Variants in UGT1A6 observed in about 807,000 individuals in gnomAD.
UGT1A6 encodes the protein UDP-glucuronosyltransferase 1A6.
UGT1A6 carries 32 observed loss-of-function variants against 44.4 expected under a neutral mutation model. The ratio of observed to expected loss-of-function variants is 0.72; its 90% CI spans 0.54 to 0.97. The LOEUF (loss-of-function observed/expected upper bound fraction) is 0.97. UGT1A6 is among the 50% of genes least tolerant of loss of function. The pLI is 0.00. For missense variants in UGT1A6, 685 were observed against 661.9 expected (o/e 1.03, Z -0.38); for synonymous variants, 238 against 248.5 (o/e 0.96, Z 0.40).
chr2:233,768,654 T>C (rs1699689633), intron 4 of UGT1A6, among the ~76,000 whole-genome samples: 2 of 149,892 alleles, frequency 1.3e-5, no homozygotes, highest in Non-Finnish European at 3.0e-5. Flanking sequence ...TGGTGCAATC[T>C]TGGCTTACTG....
rs1434952658 is a variant in UGT1A6 at position 233,692,896 on chromosome 2, A to G, written c.-109A>G. 1 of 1,536,264 alleles carries G rather than the reference A, an allele frequency of 6.5e-7. No homozygotes were observed. Among genetic ancestry groups the G allele is most frequent in the Non-Finnish European group, 8.7e-7 (1 of 1,148,334 alleles). On this transcript the variant is annotated 5_prime_UTR_variant, in exon 1 of 5. Transcript: ENST00000305139. ...GTAAAATTCAGAGCAAGGGAGAGGTAGACAGGACCTGTGAAAAGCAGTGGT... is the reference window on the plus strand; with the variant it reads ...GTAAAATTCAGAGCAAGGGAGAGGTGGACAGGACCTGTGAAAAGCAGTGGT...
chr2:233,747,970 C>G, intron 1 of UGT1A6: 5 of 1,613,476 alleles, frequency 3.1e-6, no homozygotes, highest in Non-Finnish European at 4.2e-6. Flanking sequence ...AGCCATGCAT[C>G]TGTGTGGCTG....
At chr2:233,725,167 G>A (rs112233788) in intron 1 of UGT1A6, among the ~76,000 whole-genome samples, 4,177 of 75,252 alleles carry the variant, frequency 0.056, 411 homozygotes, top group African/African-American at 0.13. Flanking sequence ...TGCATGAGAG[G>A]GAGACCGTGG....
chr2:233,732,616 A>C (rs1187431518), intron 1 of UGT1A6, among the ~76,000 whole-genome samples: 1 of 152,194 alleles, frequency 6.6e-6, no homozygotes, highest in Non-Finnish European at 1.5e-5. Flanking sequence ...AAATGGTTGT[A>C]GATGTGTGGT....
intron 1 of UGT1A6, among the ~76,000 whole-genome samples, chr2:233,751,378 C>A (rs1694710024): frequency 2.0e-5 from 3 of 152,054 alleles, no homozygotes; most frequent in Non-Finnish European, 2.9e-5. Context: ...AAGGGACTTG[C>A]CTTGTCTCAG....
At chr2:233,749,908 A>G (rs1325539824) in intron 1 of UGT1A6, among the ~76,000 whole-genome samples, 1 of 151,938 alleles carries the variant, frequency 6.6e-6, no homozygotes, top group African/African-American at 2.4e-5. Flanking sequence ...AGCCACCTGG[A>G]ACTGTGAGTC....
intron 1 of UGT1A6, among the ~76,000 whole-genome samples, chr2:233,695,235 C>T (rs1369922009): frequency 1.3e-5 from 2 of 151,340 alleles, no homozygotes; most frequent in African/African-American, 4.9e-5. Context: ...AAGCGATTCT[C>T]CTGCCTCAGC....
chr2:233,772,483 G>A lies in UGT1A6; in HGVS notation c.1523G>A (p.Cys508Tyr), dbSNP rs1700526717. The A allele has an allele frequency of 1.2e-6, 2 of 1,614,146 alleles. No individual in the cohort carries two copies. Among genetic ancestry groups the A allele is most frequent in the Non-Finnish European group, 1.7e-6 (2 of 1,180,048 alleles). Reference protein sequence around the residue: ...VLTVAFITFKCCAYGYRKCLG... With the variant: ...VLTVAFITFKYCAYGYRKCLG... ...ACAGTGGCCTTCATCACCTTTAAAT[G>A]TTGTGCTTATGGCTACCGGAAATGC... The change falls in exon 5 of 5, where the codon TGT becomes TAT. Residue 508 changes from cysteine to tyrosine, a missense_variant. Cys to Tyr is a radical substitution (Grantham distance 194, BLOSUM62 -2). Transcript: ENST00000305139.
In UGT1A6 at chr2:233,723,244, C is replaced by T. The variant is rs1231451860; in HGVS notation, c.861+29379C>T. On this transcript the variant is annotated intron_variant, in intron 1 of 4. Transcript: ENST00000305139. ...TTTTTTTTTTTGAGTTGGAGTCCTG[C>T]TGTCACCCAGGCTGGAGTGCAATGG... Among the ~76,000 whole-genome samples the T allele has an allele frequency of 1.8e-5, 2 of 112,620 alleles. 1 individual carries two copies. Among genetic ancestry groups the T allele is most frequent in the East Asian group, 4.7e-4 (2 of 4,276 alleles). 73.9% of individuals were successfully genotyped at this position (112,620 alleles called of 152,430 possible).
chr2:233,764,393 C>G (rs1698551622), intron 1 of UGT1A6, among the ~76,000 whole-genome samples: 7 of 152,218 alleles, frequency 4.6e-5, no homozygotes. Context: ...GCCGTGATGA[C>G]AACTTCTCTG....
chr2:233,708,606 C>G (rs1434910619), intron 1 of UGT1A6: 1 of 152,132 alleles, frequency 6.6e-6, no homozygotes, highest in African/African-American at 2.4e-5. Context: ...AAAAACCTAG[C>G]TGGACATGGT....
At position 233,692,968 on chromosome 2, in the gene UGT1A6, A is replaced by T; in HGVS notation, c.-37A>T. On this transcript the variant is annotated 5_prime_UTR_variant, in exon 1 of 5. Coordinates refer to ENST00000305139, the MANE Select transcript of UGT1A6 (RefSeq NM_001072.4). ...GAGCCCTGTGATTTGGAGAGTGAAA[A>T]CTCTTTATTACCGTTGTTACTTTAA... 1 of 1,609,996 alleles carries T rather than the reference A, an allele frequency of 6.2e-7. No homozygotes were observed. Among genetic ancestry groups the T allele is most frequent in the Non-Finnish European group, 8.5e-7 (1 of 1,178,694 alleles).
At chr2:233,758,188 A>G (rs1349167562) in intron 1 of UGT1A6, among the ~76,000 whole-genome samples, 2 of 152,180 alleles carry the variant, frequency 1.3e-5, no homozygotes, top group African/African-American at 4.8e-5. Flanking sequence ...TATTAATTGG[A>G]TTGCTTAGTA....
chr2:233,704,340 AG>A (rs1377589001), intron 1 of UGT1A6, among the ~76,000 whole-genome samples: 1 of 151,500 alleles, frequency 6.6e-6, no homozygotes, highest in Admixed American at 6.6e-5. Flanking sequence ...CTATTTAAAA[AG>A]TTGTGTTCTG....
chr2:233,712,954 G>C, intron 1 of UGT1A6: 1 of 1,612,846 alleles, frequency 6.2e-7, no homozygotes, highest in East Asian at 2.2e-5. Context: ...GAGGCACAAC[G>C]TGGGGTGGAC....
rs553805330 is a variant in UGT1A6, at chr2:233,754,902, A to C, written c.862-12132A>C. On this transcript the variant is annotated intron_variant, in intron 1 of 4. Coordinates refer to ENST00000305139, the MANE Select transcript of UGT1A6 (RefSeq NM_001072.4). ...TCCCAGGGAGTTCCTCTGACCCCCC[A>C]AAATATTCTCCAGCGGGTTTCCCAA... 31 of 1,352,320 alleles carry C rather than the reference A, an allele frequency of 2.3e-5. No individual in the cohort carries two copies. The East Asian group carries it at 6.4e-4, about 28-fold the overall frequency. 83.8% of individuals were successfully genotyped at this position (1,352,320 alleles called of 1,614,324 possible).
At chr2:233,726,002 C>CA (rs1248368062) in intron 1 of UGT1A6, among the ~76,000 whole-genome samples, 5 of 151,912 alleles carry the variant, frequency 3.3e-5, no homozygotes, top group African/African-American at 1.2e-4. Flanking sequence ...TGCATCTCTA[C>CA]AAAAAATCAA....
intron 1 of UGT1A6, among the ~76,000 whole-genome samples, chr2:233,734,191 TC>T (rs2078496929): frequency 6.6e-6 from 1 of 152,190 alleles, no homozygotes; most frequent in South Asian, 2.1e-4. Context: ...AATTATTGCC[TC>T]AATTTCAGAG....
intron 1 of UGT1A6, among the ~76,000 whole-genome samples, chr2:233,704,000 C>G (rs536799646): frequency 3.3e-5 from 5 of 152,024 alleles, no homozygotes; most frequent in Non-Finnish European, 5.9e-5. Flanking sequence ...AAGCAGTTCT[C>G]CCACCTCAGC....
Sources: allele counts gnomAD v4.1 joint callset (sites outside exome capture counted in the v4.1 genomes callset), GRCh38; gene constraint gnomAD v4.1.1; transcripts MANE v1.5; gene names NCBI Gene and HGNC (gene_info 2026-07-23, HGNC 2026-07-21).